Variants in ASMTL observed in about 807,000 individuals in gnomAD.
ASMTL encodes the protein probable bifunctional dTTP/UTP pyrophosphatase/methyltransferase protein.
Under a neutral mutation model 60.3 loss-of-function variants are expected in ASMTL, and 57 were observed. The observed-to-expected ratio is 0.95, with a 90% CI of 0.76 to 1.18. ASMTL has a LOEUF of 1.18. ASMTL is among the 50% of genes most tolerant of loss of function. The pLI is 0.00. For synonymous variants in ASMTL, 419 were observed against 373.0 expected (o/e 1.12, Z -1.42); for missense variants, 981 against 852.6 (o/e 1.15, Z -1.88).
At chrX:1,433,250 T>C (rs1319332938) in intron 5 of ASMTL, among the ~76,000 whole-genome samples, 1 of 151,918 alleles carries the variant, frequency 6.6e-6, no homozygotes, top group Non-Finnish European at 1.5e-5. Context: ...CAGGGGACCT[T>C]ATGTTAATGA....
At chrX:1,431,319 T>A (rs770167112) in intron 6 of ASMTL, among the ~76,000 whole-genome samples, 1 of 131,598 alleles carries the variant, frequency 7.6e-6, no homozygotes, top group Non-Finnish European at 1.5e-5. Context: ...ATTATATATT[T>A]TATATATAAT....
At chrX:1,407,044 AGATGGATGGATG>A (rs1235211739) in intron 12 of ASMTL, among the ~76,000 whole-genome samples, 7 of 22,234 alleles carry the variant, frequency 3.1e-4, no homozygotes, top group Non-Finnish European at 5.7e-4. Context: ...ATGGGTAGGT[AGATGGATGGATG>A]GATGGATGCA....
intron 4 of ASMTL, chrX:1,435,299 G>A: frequency 4.7e-6 from 3 of 640,642 alleles, no homozygotes; most frequent in South Asian, 1.9e-5. Flanking sequence ...TGGCCCTGAC[G>A]GGAGGCGCCA....
intron 10 of ASMTL, among the ~76,000 whole-genome samples, chrX:1,418,776 A>G (rs1364248142): frequency 6.6e-6 from 1 of 151,898 alleles, no homozygotes; most frequent in Non-Finnish European, 1.5e-5. Context: ...AGGGCCCCGG[A>G]GTTTCTAGGG....
chrX:1,407,779 A>C (rs2089921108), intron 12 of ASMTL, among the ~76,000 whole-genome samples: 1 of 151,882 alleles, frequency 6.6e-6, no homozygotes, highest in South Asian at 2.1e-4. Context: ...CAGGGTGGAG[A>C]GAGGGAGGAA....
chrX:1,448,257 C>CAT lies in ASMTL; in HGVS notation c.93+4489_93+4490dup, dbSNP rs763321929. Reference sequence around the variant, plus strand: ...CACTGCCATCTTGGATAAGCACCACCATCTTGGACACACAACATCTTGGAC... The same window carrying CAT: ...CACTGCCATCTTGGATAAGCACCACCATATCTTGGACACACAACATCTTGGAC... On this transcript the variant is annotated intron_variant, in intron 1 of 12. Coordinates refer to ENST00000381317, the MANE Select transcript of ASMTL (RefSeq NM_004192.4). Among the ~76,000 whole-genome samples, 9 of 151,248 alleles carry CAT rather than the reference C, an allele frequency of 6.0e-5. No homozygotes were observed. In the South Asian group the frequency reaches 1.5e-3, roughly 25 times the overall value.
Position 1,435,666 on chromosome X carries a change from A to AG in ASMTL, c.338+27dup, listed in dbSNP as rs764141474. On this transcript the variant is annotated intron_variant, in intron 4 of 12. Coordinates refer to ENST00000381317, the MANE Select transcript of ASMTL (RefSeq NM_004192.4). The stretch of plus-strand genomic sequence containing the variant: ...GCTACTCTGTGGCTCAGAACCCGAG[A>AG]GGGCTCAGAGGCCAACATGGTGCTT... 1.1e-5 allele frequency: 17 copies of AG among 1,610,844 alleles called. No homozygotes were observed. The East Asian group carries it at 3.8e-4, about 36-fold the overall frequency.
At chrX:1,421,204 A>G (rs2090476580) in intron 9 of ASMTL, among the ~76,000 whole-genome samples, 1 of 151,820 alleles carries the variant, frequency 6.6e-6, no homozygotes, top group Non-Finnish European at 1.5e-5. Context: ...ACCTCAGGTG[A>G]TCAGCCCACC....
intron 7 of ASMTL, among the ~76,000 whole-genome samples, chrX:1,426,473 C>T (rs554991919): frequency 1.2e-3 from 180 of 152,258 alleles, no homozygotes; most frequent in Non-Finnish European, 1.7e-3. Flanking sequence ...TCCCGGAGGA[C>T]GCCCTGTGAG....
At chrX:1,451,974 C>T (rs187488576) in intron 1 of ASMTL, among the ~76,000 whole-genome samples, 2 of 147,948 alleles carry the variant, frequency 1.4e-5, no homozygotes, top group Admixed American at 6.7e-5. Flanking sequence ...CTGGGTTACT[C>T]TCCCCACCCC....
At chrX:1,406,183 GTAGA>G (rs1158492711) in intron 12 of ASMTL, among the ~76,000 whole-genome samples, 13 of 144,770 alleles carry the variant, frequency 9.0e-5, no homozygotes, top group South Asian at 4.4e-4. Flanking sequence ...TAGATGATGG[GTAGA>G]TAGATGAATG....
At position 1,425,607 on chromosome X, in the gene ASMTL, G is replaced by C; in HGVS notation, c.978C>G (p.Ser326Arg). Residue 326 changes from serine (S) to arginine (R), a missense_variant, in exon 8 of 13, where the codon AGC becomes AGG. Ser to Arg is a moderately radical substitution (Grantham distance 110, BLOSUM62 -1). Coordinates refer to ENST00000381317, the MANE Select transcript of ASMTL (RefSeq NM_004192.4). The stretch of plus-strand genomic sequence containing the variant: ...TTCCACACGCAGAGGCGTCCACTTT[G>C]CTGGCAATATCCGCAGCCTTCTGGG... ...EAPQKAADIA[S>R]KVDASACGME... The C allele has an allele frequency of 6.2e-7, 1 of 1,613,802 alleles. No individual in the cohort carries two copies. Among genetic ancestry groups the C allele is most frequent in the South Asian group, 1.1e-5 (1 of 91,076 alleles).
At chrX:1,419,360 C>T (rs2090410548) in intron 9 of ASMTL, among the ~76,000 whole-genome samples, 1 of 152,180 alleles carries the variant, frequency 6.6e-6, no homozygotes, top group South Asian at 2.1e-4. Flanking sequence ...TGGTCCACAC[C>T]ACAGCCTGAA....
In ASMTL at chrX:1,419,518, A is replaced by G. The variant is rs369416648; in HGVS notation, c.1246-404T>C. On this transcript the variant is annotated intron_variant, in intron 9 of 12. Transcript: ENST00000381317. Reference sequence around the variant, plus strand: ...GTGCCCCGGCTCAGCCTTCACCACAATGGTGCGGTGTGCAGAGGGGGCTCC... The same window carrying G: ...GTGCCCCGGCTCAGCCTTCACCACAGTGGTGCGGTGTGCAGAGGGGGCTCC... 1.4e-4 allele frequency among the ~76,000 whole-genome samples: 21 copies of G among 152,076 alleles called. No individual in the cohort carries two copies. The East Asian group carries it at 3.9e-3, about 28-fold the overall frequency.
chrX:1,446,281 C>A (rs2091229427), intron 1 of ASMTL, among the ~76,000 whole-genome samples: 1 of 152,128 alleles, frequency 6.6e-6, no homozygotes, highest in African/African-American at 2.4e-5. Flanking sequence ...ATGGCTCACA[C>A]TCCTTACCCT....
intron 4 of ASMTL, 187 bp downstream of exon 4, chrX:1,435,507 G>C: frequency 1.5e-6 from 1 of 658,724 alleles, no homozygotes. Flanking sequence ...CAGAATCCTA[G>C]ACAAGGATGA....
At chrX:1,427,674 T>C (rs1485543895) in intron 7 of ASMTL, 60 bp downstream of exon 7, 30 of 1,519,724 alleles carry the variant, frequency 2.0e-5, no homozygotes, top group Non-Finnish European at 2.5e-5. Flanking sequence ...TTCCCTTTGA[T>C]TTAAGCCGAG....
intron 5 of ASMTL, among the ~76,000 whole-genome samples, chrX:1,432,641 A>C (rs771645924): frequency 6.6e-6 from 1 of 151,986 alleles, no homozygotes; most frequent in South Asian, 2.1e-4. Context: ...CATCCTGGCT[A>C]ACACGGTGAA....
chrX:1,434,162 A>G lies in ASMTL; in HGVS notation c.400+860T>C, dbSNP rs187956202. On this transcript the variant is annotated intron_variant, in intron 5 of 12. Transcript: ENST00000381317. ...GTTGGTGCAGGAAGAACCCAGCAAT[A>G]TGGTGATACAACTGCCTGGGCCGGG... Among the ~76,000 whole-genome samples, 428 of 152,218 alleles carry G rather than the reference A, an allele frequency of 2.8e-3. 2 individuals are homozygous for G. The highest frequency in any genetic ancestry group is 9.3e-3 in the African/African-American group (386 of 41,552).
Sources: gnomAD v4.1 joint callset for allele counts (sites outside exome capture counted in the v4.1 genomes callset) on GRCh38, gnomAD v4.1.1 for gene constraint, MANE v1.5 for transcripts, NCBI Gene and HGNC (gene_info 2026-07-23, HGNC 2026-07-21) for gene names.